ATXN2: variants seen among roughly 807,000 people sequenced by gnomAD.
ATXN2 encodes the protein ataxin 2.
In ATXN2, 37 loss-of-function variants were observed where a neutral mutation model predicts 138.6. That is an observed-to-expected ratio of 0.27 (90% CI 0.21 to 0.35). The LOEUF is 0.35. Ranked by LOEUF, ATXN2 falls within the 10% of genes least tolerant of loss-of-function variation. ATXN2 has a pLI of 1.00. For missense variants in ATXN2, 1,216 were observed against 1,480.3 expected (o/e 0.82, Z 2.93); for synonymous variants, 549 against 543.7 (o/e 1.01, Z -0.13).
At chr12:111,595,029 T>C (rs1884865317) in intron 1 of ATXN2, among the ~76,000 whole-genome samples, 1 of 152,208 alleles carries the variant, frequency 6.6e-6, no homozygotes. Flanking sequence ...AAGCACTTAA[T>C]AATATATGCA....
At chr12:111,501,610 T>C (rs1345015656) in intron 14 of ATXN2, among the ~76,000 whole-genome samples, 5 of 152,130 alleles carry the variant, frequency 3.3e-5, no homozygotes, top group Non-Finnish European at 5.9e-5. Flanking sequence ...GCATTACCAA[T>C]ATAGCTAAAG....
At chr12:111,571,251 GA>G (rs1883294922) in intron 1 of ATXN2, among the ~76,000 whole-genome samples, 2 of 152,176 alleles carry the variant, frequency 1.3e-5, no homozygotes, top group Admixed American at 6.5e-5. Context: ...TCAGATTTGG[GA>G]AAGGGGATTA....
intron 1 of ATXN2, among the ~76,000 whole-genome samples, chr12:111,572,498 T>C (rs374369577): frequency 6.6e-6 from 1 of 152,032 alleles, no homozygotes; most frequent in East Asian, 1.9e-4. Context: ...CCCTCAGGCT[T>C]GGGAATAGGG....
chr12:111,476,430 C>G (rs1876818089), intron 18 of ATXN2, among the ~76,000 whole-genome samples: 1 of 151,078 alleles, frequency 6.6e-6, no homozygotes, highest in Admixed American at 6.6e-5. Context: ...AATCTCATGC[C>G]TTTTTCAGTA....
chr12:111,529,537 T>C (rs1295156168), intron 5 of ATXN2, among the ~76,000 whole-genome samples: 1 of 152,214 alleles, frequency 6.6e-6, no homozygotes, highest in African/African-American at 2.4e-5. Flanking sequence ...CCCACCTCCA[T>C]GCTACCCCCA....
At chr12:111,536,199 A>C (rs771959737) in intron 5 of ATXN2, among the ~76,000 whole-genome samples, 1 of 152,204 alleles carries the variant, frequency 6.6e-6, no homozygotes, top group African/African-American at 2.4e-5. Context: ...GATTGACTGA[A>C]AATGAGAAAT....
At chr12:111,557,077 GAAA>G (rs754399225) in intron 1 of ATXN2, among the ~76,000 whole-genome samples, 14 of 152,086 alleles carry the variant, frequency 9.2e-5, no homozygotes, top group Non-Finnish European at 1.9e-4. Context: ...TTATTCCACT[GAAA>G]AAGATTAGGC....
Position 111,598,747 on chromosome 12 carries a change from G to A in ATXN2, c.251+37C>T. On this transcript the variant is annotated intron_variant, in intron 1 of 24. Transcript: ENST00000673436. The surrounding 1 kb of genome is among the most constrained non-coding windows in gnomAD (Gnocchi z 4.5). ...GCGGGCCGCGGGGGAGGGGACGCCG[G>A]GCCCGGAGCGGAGGGGGCTGGGGTG... 8.5e-7 allele frequency: 1 copy of A among 1,169,958 alleles called. No homozygotes were observed. The highest frequency in any genetic ancestry group is 1.1e-6 in the Non-Finnish European group (1 of 947,512). 72.5% of individuals were successfully genotyped at this position (1,169,958 alleles called of 1,614,324 possible).
chr12:111,567,832 C>T (rs1030761692), intron 1 of ATXN2, among the ~76,000 whole-genome samples: 5 of 151,968 alleles, frequency 3.3e-5, no homozygotes, highest in East Asian at 3.9e-4. Flanking sequence ...TGTACATTTT[C>T]GTATGTTTGT....
intron 1 of ATXN2, among the ~76,000 whole-genome samples, chr12:111,593,186 C>A (rs888349162): frequency 2.6e-5 from 4 of 151,944 alleles, no homozygotes; most frequent in Non-Finnish European, 2.9e-5. Flanking sequence ...TTGCAACCTC[C>A]GGGATCAAGC....
chr12:111,500,095 G>A (rs1269316455), intron 14 of ATXN2, among the ~76,000 whole-genome samples: 1 of 152,154 alleles, frequency 6.6e-6, no homozygotes, highest in African/African-American at 2.4e-5. Flanking sequence ...ATATGATCCA[G>A]CAATTGCACT....
intron 1 of ATXN2, among the ~76,000 whole-genome samples, chr12:111,558,246 T>C (rs527344021): frequency 6.6e-6 from 1 of 152,352 alleles, no homozygotes; most frequent in African/African-American, 2.4e-5. Context: ...TAAATTCTTG[T>C]TTCTTTTTGT....
Position 111,513,460 on chromosome 12 carries a change from A to C in ATXN2, c.1455T>G (p.Ser485Arg). Reference protein sequence around the residue: ...RVSAGRGSISSGLEFVSHNPP... With the variant: ...RVSAGRGSISRGLEFVSHNPP... ...GGTTGTGGGATACAAATTCTAGGCC[A>C]CTGGATATGGAACCCCTCCCAGCAG... The change falls in exon 11 of 25, where the codon AGT (serine) becomes AGG (arginine). Residue 485 changes from serine (S) to arginine (R), a missense_variant. Transcript: ENST00000673436. 6.2e-7 allele frequency: 1 copy of C among 1,614,104 alleles called. No individual in the cohort carries two copies. The highest frequency in any genetic ancestry group is 8.5e-7 in the Non-Finnish European group (1 of 1,180,018).
intron 14 of ATXN2, among the ~76,000 whole-genome samples, chr12:111,489,373 G>C (rs1718282719): frequency 6.6e-6 from 1 of 152,214 alleles, no homozygotes; most frequent in East Asian, 1.9e-4. Context: ...CCAGCACTTT[G>C]GGAGGCCAAG....
upstream of ATXN2, chr12:111,599,666 T>C: frequency 4.7e-6 from 5 of 1,055,286 alleles, no homozygotes; most frequent in Non-Finnish European, 5.8e-6. Flanking sequence ...CTGGGTTGCT[T>C]TCTCGGGGGT....
At chr12:111,553,604 A>AATTTTTTTTTTTTT (rs1882237738) in intron 3 of ATXN2, among the ~76,000 whole-genome samples, 10 of 85,004 alleles carry the variant, frequency 1.2e-4, no homozygotes, top group African/African-American at 7.5e-4. Flanking sequence ...AAAAAAAAAA[A>AATTTTTTTTTTTTT]TTTTTTTTTT....
At chr12:111,473,543 G>C (rs1187440173) in intron 18 of ATXN2, among the ~76,000 whole-genome samples, 5 of 152,058 alleles carry the variant, frequency 3.3e-5, no homozygotes, top group Admixed American at 3.3e-4. Flanking sequence ...GAAAGGAAAA[G>C]AATGTCACCA....
intron 14 of ATXN2, among the ~76,000 whole-genome samples, chr12:111,503,420 G>T (rs529918325): frequency 6.6e-6 from 1 of 152,266 alleles, no homozygotes; most frequent in Non-Finnish European, 1.5e-5. Flanking sequence ...GAACTTGCTT[G>T]ACAGAGATGT....
At chr12:111,562,014 T>C (rs1882716450) in intron 1 of ATXN2, among the ~76,000 whole-genome samples, 2 of 151,902 alleles carry the variant, frequency 1.3e-5, no homozygotes, top group African/African-American at 4.8e-5. Context: ...GGTTTCACCA[T>C]GTTAGCCAGG....
Sources: gnomAD v4.1 joint callset for allele counts (sites outside exome capture counted in the v4.1 genomes callset) on GRCh38, gnomAD v4.1.1 for gene constraint, Gnocchi (gnomAD v3.1) non-coding constraint, MANE v1.5 for transcripts, NCBI Gene and HGNC (gene_info 2026-07-23, HGNC 2026-07-21) for gene names.